Variants in YOD1 observed in about 807,000 individuals in gnomAD.
YOD1 encodes the protein ubiquitin thioesterase OTU1.
YOD1 carries 17 observed loss-of-function variants against 23.7 expected under a neutral mutation model. The ratio of observed to expected loss-of-function variants is 0.72; its 90% CI spans 0.49 to 1.07. YOD1 has a LOEUF of 1.07. Ranked by LOEUF, YOD1 falls within the 50% of genes least tolerant of loss-of-function variation. YOD1 has a pLI of 0.00. For synonymous variants in YOD1, 191 were observed against 169.6 expected, an observed-to-expected ratio of 1.13 and a Z score of -0.98; for missense variants, 413 against 447.2, an observed-to-expected ratio of 0.92 and a Z score of 0.69.
intron 1 of YOD1, among the ~76,000 whole-genome samples, chr1:207,050,350 A>G (rs1682707301): frequency 6.6e-6 from 1 of 152,164 alleles, no homozygotes; most frequent in South Asian, 2.1e-4. Context: ...TATAGGGAAA[A>G]AGAGACATAA....
chr1:207,050,461 G>T (rs963788986), intron 1 of YOD1, among the ~76,000 whole-genome samples: 1 of 152,236 alleles, frequency 6.6e-6, no homozygotes, highest in South Asian at 2.1e-4. Context: ...GGGGAAGGGG[G>T]TCTTCAAGGC....
upstream of YOD1, among the ~76,000 whole-genome samples, chr1:207,051,842 T>C (rs1210383848): frequency 6.6e-6 from 1 of 152,162 alleles, no homozygotes; most frequent in South Asian, 2.1e-4. Context: ...CCCAGGACTG[T>C]GCCTCGCAAA....
rs1682563856 is a variant in YOD1 at position 207,045,054 on chromosome 1, C to G, written c.*3966G>C. ...GCTGAAATACTGTAACATAAGAAAA[C>G]AGCTTTAGTTTATAAACTAGCTTAT... On this transcript the variant is annotated 3_prime_UTR_variant, in exon 2 of 2. Transcript: ENST00000315927. The G allele has an allele frequency of 6.6e-6, 1 of 152,446 alleles. No homozygotes were observed. Among genetic ancestry groups the G allele is most frequent in the African/African-American group, 2.4e-5 (1 of 41,438 alleles). 9.4% of individuals were successfully genotyped at this position (152,446 alleles called of 1,614,324 possible). A position where few individuals can be genotyped will look rare whatever the true frequency, so the allele number is the denominator to read the frequency against.
Position 207,049,491 on chromosome 1 carries a change from G to C in YOD1, c.576C>G (p.Ser192Arg). 1 of 1,614,096 alleles carries C rather than the reference G, an allele frequency of 6.2e-7. No homozygotes were observed. The highest frequency in any genetic ancestry group is 8.5e-7 in the Non-Finnish European group (1 of 1,180,014). Residue 192 changes from serine (S) to arginine (R), a missense_variant, in exon 2 of 2, where the codon AGC becomes AGG. Coordinates refer to ENST00000315927, the MANE Select transcript of YOD1 (RefSeq NM_018566.4). ...TTGCCTCACTATAGAAGTCTGGATC[G>C]CTTGCTACAATTTGTGCTATGAGGC... ...MRRLIAQIVA[S>R]DPDFYSEAIL... is the part of the protein sequence containing the mutation.
In YOD1 at chr1:207,048,937, T is replaced by A. The variant is rs1253688350; in HGVS notation, c.*83A>T. 1 of 1,261,154 alleles carries A rather than the reference T, an allele frequency of 7.9e-7. No individual in the cohort carries two copies. Among genetic ancestry groups the A allele is most frequent in the Non-Finnish European group, 1.1e-6 (1 of 903,284 alleles). 78.1% of individuals were successfully genotyped at this position (1,261,154 alleles called of 1,614,324 possible). On this transcript the variant is annotated 3_prime_UTR_variant, in exon 2 of 2. Coordinates refer to ENST00000315927, the MANE Select transcript of YOD1 (RefSeq NM_018566.4). ...GTTCAAGCATTGTATCCTTTGTTCT[T>A]TAGGGTTACCATAGCTTATTGGAAA...
chr1:207,052,218 T>C (rs1485343673), upstream of YOD1: 1 of 1,612,746 alleles, frequency 6.2e-7, no homozygotes, highest in South Asian at 1.1e-5. Context: ...CTGAATAAAT[T>C]ATATGTAATG....
chr1:207,051,142 C>G lies in YOD1; in HGVS notation c.-112G>C. 1.4e-6 allele frequency: 2 copies of G among 1,422,278 alleles called. No individual in the cohort carries two copies. The highest frequency in any genetic ancestry group is 5.2e-5 in the East Asian group (2 of 38,564). 88.1% of individuals were successfully genotyped at this position (1,422,278 alleles called of 1,614,324 possible). A position where few individuals can be genotyped will look rare whatever the true frequency, so the allele number is the denominator to read the frequency against. On this transcript the variant is annotated 5_prime_UTR_variant, in exon 1 of 2. Coordinates refer to ENST00000315927, the MANE Select transcript of YOD1 (RefSeq NM_018566.4). ...AGTGACAACTGATTTTTCCCCCACC[C>G]TCAGAACGAAGATGTAAACCTCCGT... is the stretch of plus-strand genomic sequence containing the variant.
At position 207,049,512 on chromosome 1, in the gene YOD1, G is replaced by T. The variant is rs918786042; in HGVS notation, c.555C>A (p.Leu185=). 8 of 1,614,038 alleles carry T rather than the reference G, an allele frequency of 5.0e-6. No individual in the cohort carries two copies. The South Asian group carries it at 8.8e-5, about 18-fold the overall frequency. ...GATCGCTTGCTACAATTTGTGCTATGAGGCGTCTCATCTCAGGGGCACAAG... is the reference window on the plus strand; with the variant it reads ...GATCGCTTGCTACAATTTGTGCTATTAGGCGTCTCATCTCAGGGGCACAAG... ...NPACAPEMRR[L]IAQIVASDPD... is the part of the protein sequence containing the mutation. Residue 185 remains leucine (L), a synonymous_variant, in exon 2 of 2, where the codon CTC becomes CTA. Coordinates refer to ENST00000315927, the MANE Select transcript of YOD1 (RefSeq NM_018566.4).
At position 207,050,950 on chromosome 1, in the gene YOD1, G is replaced by C; in HGVS notation, c.81C>G (p.Ala27=). Residue 27 remains alanine (A), a synonymous_variant, in exon 1 of 2, where the codon GCC becomes GCG. Coordinates refer to ENST00000315927, the MANE Select transcript of YOD1 (RefSeq NM_018566.4). The part of the protein sequence containing the change: ...GFPGGVSQQA[A]GTKAGPAGAW... ...CACCCGCGGGGCCAGCTTTGGTCCC[G>C]GCAGCCTGTTGGGAGACGCCGCCGG... The C allele has an allele frequency of 6.4e-7, 1 of 1,572,254 alleles. No individual in the cohort carries two copies. The highest frequency in any genetic ancestry group is 1.1e-5 in the South Asian group (1 of 87,952).
In YOD1 at chr1:207,047,100, T is replaced by C. The variant is rs1158288647; in HGVS notation, c.*1920A>G. On this transcript the variant is annotated 3_prime_UTR_variant, in exon 2 of 2. Coordinates refer to ENST00000315927, the MANE Select transcript of YOD1 (RefSeq NM_018566.4). ...TAAAAAAGATACAAAACCAAAACCA[T>C]CCAGATCAGATGAGAGTCAGGTGTG... The C allele has an allele frequency of 6.6e-6, 1 of 152,474 alleles. No homozygotes were observed. Among genetic ancestry groups the C allele is most frequent in the African/African-American group, 2.4e-5 (1 of 41,440 alleles). The allele number at this position is 152,474 out of a possible 1,614,324, so 9.4% of individuals were successfully genotyped here.
intron 1 of YOD1, 125 bp from the exon 2 acceptor site, chr1:207,049,848 TAC>T (rs1682693111): frequency 1.1e-5 from 9 of 840,322 alleles, no homozygotes; most frequent in African/African-American, 3.4e-5. Flanking sequence ...CTAAGGAGAA[TAC>T]AGTTTTGCAA....
Position 207,051,111 on chromosome 1 carries a change from T to C in YOD1, c.-81A>G, listed in dbSNP as rs1042658655. ...TTAGTACCTTAGCAAGCGCGAACTC[T>C]TTTAAAGTGACAACTGATTTTTCCC... On this transcript the variant is annotated 5_prime_UTR_variant, in exon 1 of 2. Transcript: ENST00000315927. 3 of 1,427,810 alleles carry C rather than the reference T, an allele frequency of 2.1e-6. No individual in the cohort carries two copies. Among genetic ancestry groups the C allele is most frequent in the Admixed American group, 5.9e-5 (2 of 34,000 alleles). 88.4% of individuals were successfully genotyped at this position (1,427,810 alleles called of 1,614,324 possible).
chr1:207,050,796 TGGC>T lies in YOD1; in HGVS notation c.232_234del (p.Ala78del). 2 of 1,613,434 alleles carry T rather than the reference TGGC, an allele frequency of 1.2e-6. No individual in the cohort carries two copies. Among genetic ancestry groups the T allele is most frequent in the Non-Finnish European group, 1.7e-6 (2 of 1,180,012 alleles). Reference sequence around the variant, plus strand: ...TGACCGCCGGGGGCGATCCCGGTGATGGCGGCAATTTGGCCCTGGAGTTCCCGC... The same window carrying T: ...TGACCGCCGGGGGCGATCCCGGTGATGGCAATTTGGCCCTGGAGTTCCCGC... On this transcript the variant is annotated inframe_deletion, in exon 1 of 2. Coordinates refer to ENST00000315927, the MANE Select transcript of YOD1 (RefSeq NM_018566.4).
Position 207,044,217 on chromosome 1 carries a change from A to C in YOD1, c.*4803T>G, listed in dbSNP as rs1326070140. ...ACCTCTGTCTCTACTGCATTAATAC[A>C]GAAACTATAGGAATATTGTTGTTCT... On this transcript the variant is annotated 3_prime_UTR_variant, in exon 2 of 2. Transcript: ENST00000315927. 1 of 152,564 alleles carries C rather than the reference A, an allele frequency of 6.6e-6. No homozygotes were observed. Among genetic ancestry groups the C allele is most frequent in the Non-Finnish European group, 1.5e-5 (1 of 67,986 alleles). 9.5% of individuals were successfully genotyped at this position (152,564 alleles called of 1,614,324 possible). A position where few individuals can be genotyped will look rare whatever the true frequency, so the allele number is the denominator to read the frequency against.
upstream of YOD1, chr1:207,052,416 C>T (rs1268323308): frequency 3.8e-6 from 2 of 533,088 alleles, no homozygotes; most frequent in East Asian, 3.3e-5. Flanking sequence ...AATCCCAGCA[C>T]TTTGGGAGGC....
At position 207,048,867 on chromosome 1, in the gene YOD1, TAAC is replaced by T. The variant is rs938867302; in HGVS notation, c.*150_*152del. On this transcript the variant is annotated 3_prime_UTR_variant, in exon 2 of 2. Coordinates refer to ENST00000315927, the MANE Select transcript of YOD1 (RefSeq NM_018566.4). The stretch of plus-strand genomic sequence containing the variant: ...TAAACTTGCACACTAATTTTAATCT[TAAC>T]AAGGAATTTCAGTGTCTTAGTGGTT... 12 of 712,376 alleles carry T rather than the reference TAAC, an allele frequency of 1.7e-5. No individual in the cohort carries two copies. The highest frequency in any genetic ancestry group is 7.1e-5 in the African/African-American group (4 of 56,336). The allele number at this position is 712,376 out of a possible 1,614,324, so 44.1% of individuals were successfully genotyped here.
chr1:207,051,939 G>C (rs191093352), upstream of YOD1, among the ~76,000 whole-genome samples: 415 of 152,332 alleles, frequency 2.7e-3, 5 homozygotes, highest in Non-Finnish European at 2.8e-3. Context: ...TCTGGGAGTT[G>C]TAAAAAGCCT....
In YOD1 at chr1:207,047,280, T is replaced by C. The variant is rs1682623285; in HGVS notation, c.*1740A>G. ...AACAGCTTATATTGTCTAAAATAAC[T>C]ATGCACACAAAAGGTACTCAAGAAA... is the stretch of plus-strand genomic sequence containing the variant. On this transcript the variant is annotated 3_prime_UTR_variant, in exon 2 of 2. Transcript: ENST00000315927. 6.6e-6 allele frequency: 1 copy of C among 152,562 alleles called. No homozygotes were observed. The allele number at this position is 152,562 out of a possible 1,614,324, so 9.5% of individuals were successfully genotyped here.
Position 207,044,890 on chromosome 1 carries a change from C to A in YOD1, c.*4130G>T, listed in dbSNP as rs181492527. On this transcript the variant is annotated 3_prime_UTR_variant, in exon 2 of 2. Transcript: ENST00000315927. The stretch of plus-strand genomic sequence containing the variant: ...GTATGAATCAAGACCTAAATCAGCA[C>A]CCTACAATTCAACATCAATAATAAT... 1.3e-5 allele frequency: 2 copies of A among 152,412 alleles called. No individual in the cohort carries two copies. Among genetic ancestry groups the A allele is most frequent in the Admixed American group, 6.6e-5 (1 of 15,254 alleles). The allele number at this position is 152,412 out of a possible 1,614,324, so 9.4% of individuals were successfully genotyped here. A position where few individuals can be genotyped will look rare whatever the true frequency, so the allele number is the denominator to read the frequency against.
Sources: allele counts gnomAD v4.1 joint callset (sites outside exome capture counted in the v4.1 genomes callset), GRCh38; gene constraint gnomAD v4.1.1; transcripts MANE v1.5; gene names NCBI Gene and HGNC (gene_info 2026-07-23, HGNC 2026-07-21).